Variants in GAB2 observed in about 807,000 individuals in gnomAD.
GAB2 encodes GRB2-associated-binding protein 2.
A neutral mutation model predicts 65.5 loss-of-function variants in GAB2; 26 were observed. The observed-to-expected ratio is 0.40, with a 90% CI of 0.29 to 0.55. GAB2 has a LOEUF of 0.55. Among genes scored for constraint, GAB2 ranks in the 20% least tolerant of loss-of-function variants. The pLI is 0.53. For synonymous variants in GAB2, 321 were observed against 329.6 expected (o/e 0.97, Z 0.28); for missense variants, 884 against 875.8 (o/e 1.01, Z -0.12).
At chr11:78,283,926 A>G (rs1866403360) in intron 1 of GAB2, among the ~76,000 whole-genome samples, 1 of 151,216 alleles carries the variant, frequency 6.6e-6, no homozygotes, top group African/African-American at 2.4e-5. Flanking sequence ...CATTTTATTC[A>G]GTTTCACAGC....
intron 2 of GAB2, among the ~76,000 whole-genome samples, chr11:78,274,355 A>G (rs932757851): frequency 3.9e-5 from 6 of 152,158 alleles, no homozygotes; most frequent in African/African-American, 1.4e-4. Flanking sequence ...GGCTCCACAT[A>G]TGATGAAGCC....
chr11:78,405,636 C>A (rs1480949650), intron 1 of GAB2, among the ~76,000 whole-genome samples: 2 of 152,124 alleles, frequency 1.3e-5, no homozygotes, highest in African/African-American at 4.8e-5. Context: ...ATTCCCACCA[C>A]TAAGTACAAC....
intron 1 of GAB2, among the ~76,000 whole-genome samples, chr11:78,406,296 A>G (rs1035732601): frequency 9.2e-5 from 14 of 152,226 alleles, no homozygotes; most frequent in African/African-American, 2.9e-4. Flanking sequence ...CGATGATTGC[A>G]GCAGGGTCAG....
intron 1 of GAB2, among the ~76,000 whole-genome samples, chr11:78,317,217 T>C (rs908425898): frequency 1.3e-5 from 2 of 152,202 alleles, no homozygotes; most frequent in Non-Finnish European, 2.9e-5. Flanking sequence ...ATGGTGGTAA[T>C]GGCTGCACAG....
chr11:78,357,405 T>C (rs1288542897), intron 1 of GAB2, among the ~76,000 whole-genome samples: 1 of 152,008 alleles, frequency 6.6e-6, no homozygotes, highest in African/African-American at 2.4e-5. Flanking sequence ...AAAGCCAAAA[T>C]TGACAAATGG....
intron 1 of GAB2, among the ~76,000 whole-genome samples, chr11:78,334,700 G>A (rs1855970347): frequency 6.6e-6 from 1 of 152,224 alleles, no homozygotes; most frequent in African/African-American, 2.4e-5. Flanking sequence ...TGTGAACAGT[G>A]CTGCAACAAA....
At chr11:78,224,993 G>T in intron 5 of GAB2, 115 bp downstream of exon 5, 2 of 673,828 alleles carry the variant, frequency 3.0e-6, no homozygotes, top group South Asian at 1.8e-5. Context: ...AACTTGGGCA[G>T]GGTCCTAAGA....
intron 1 of GAB2, among the ~76,000 whole-genome samples, chr11:78,291,974 CCTGGG>C (rs1866692993): frequency 6.6e-6 from 1 of 151,268 alleles, no homozygotes; most frequent in South Asian, 2.1e-4. Flanking sequence ...CACATCTCCA[CCTGGG>C]AGCTTCACTA....
intron 5 of GAB2, among the ~76,000 whole-genome samples, chr11:78,224,515 A>G (rs1286593415): frequency 2.0e-5 from 3 of 152,190 alleles, no homozygotes; most frequent in African/African-American, 7.2e-5. Flanking sequence ...TGTGTGATAC[A>G]GCAATCCCAG....
chr11:78,270,977 G>C (rs1049038070), intron 2 of GAB2, among the ~76,000 whole-genome samples: 2 of 152,240 alleles, frequency 1.3e-5, no homozygotes, highest in African/African-American at 4.8e-5. Context: ...GCCTTTCGGA[G>C]TCCCTGTGAT....
chr11:78,289,430 TG>T (rs1224263315), intron 1 of GAB2, among the ~76,000 whole-genome samples: 1 of 152,198 alleles, frequency 6.6e-6, no homozygotes, highest in African/African-American at 2.4e-5. Context: ...TGAAAATCTT[TG>T]GGATCTAAGG....
rs1048872464 is a variant in GAB2, at chr11:78,239,010, G to A, written c.620+11147C>T. Among the ~76,000 whole-genome samples, 18 of 151,602 alleles carry A rather than the reference G, an allele frequency of 1.2e-4. 1 individual carries two copies. Among genetic ancestry groups the A allele is most frequent in the South Asian group, 4.2e-4 (2 of 4,810 alleles). On this transcript the variant is annotated intron_variant, in intron 3 of 9. Transcript: ENST00000361507. ...GAAGATATACAAATGGCCAACGCAC[G>A]CATGAAAAGTTGCTCAACACCACTA...
At chr11:78,405,091 ATTTTTTTTTTT>A (rs1174366754) in intron 1 of GAB2, among the ~76,000 whole-genome samples, 7 of 93,280 alleles carry the variant, frequency 7.5e-5, no homozygotes, top group East Asian at 3.1e-4. Flanking sequence ...AAAAACATGG[ATTTTTTTTTTT>A]TTTTTTTTTT....
chr11:78,363,157 C>G (rs1856455819), intron 1 of GAB2, among the ~76,000 whole-genome samples: 1 of 152,188 alleles, frequency 6.6e-6, no homozygotes. Context: ...GAAAATTAAT[C>G]AGAACGGAAA....
intron 1 of GAB2, among the ~76,000 whole-genome samples, chr11:78,299,331 C>T (rs1361806266): frequency 1.3e-5 from 2 of 152,074 alleles, no homozygotes; most frequent in Non-Finnish European, 2.9e-5. Flanking sequence ...ATTATTGTTC[C>T]CACCATCACT....
intron 1 of GAB2, among the ~76,000 whole-genome samples, chr11:78,382,347 C>T (rs1432846320): frequency 1.3e-5 from 2 of 151,892 alleles, no homozygotes; most frequent in Non-Finnish European, 2.9e-5. Flanking sequence ...CCTTGGCCCC[C>T]CCTTCTGCTG....
chr11:78,415,504 G>T (rs7931650), intron 1 of GAB2, among the ~76,000 whole-genome samples: 1 of 152,182 alleles, frequency 6.6e-6, no homozygotes, highest in Non-Finnish European at 1.5e-5. Flanking sequence ...TTCCCCAGAG[G>T]CTTAAGGTTA....
chr11:78,370,986 C>T (rs1856564743), intron 1 of GAB2, among the ~76,000 whole-genome samples: 1 of 152,164 alleles, frequency 6.6e-6, no homozygotes, highest in African/African-American at 2.4e-5. Flanking sequence ...ACATGAGTTG[C>T]TGTAGTTCTC....
intron 1 of GAB2, among the ~76,000 whole-genome samples, chr11:78,328,862 AG>A (rs1855868990): frequency 3.9e-5 from 6 of 152,216 alleles, no homozygotes; most frequent in Admixed American, 3.9e-4. Flanking sequence ...TAGGAGCTTT[AG>A]TTACATTTTT....
Sources: gnomAD v4.1 joint callset for allele counts (sites outside exome capture counted in the v4.1 genomes callset) on GRCh38, gnomAD v4.1.1 for gene constraint, MANE v1.5 for transcripts, NCBI Gene and HGNC (gene_info 2026-07-23, HGNC 2026-07-21) for gene names.